The following ARMC8 variants were observed in gnomAD, a reference collection of about 807,000 sequenced individuals.
ARMC8 encodes the protein armadillo repeat containing 8, also known as armadillo repeat-containing protein 8.
A neutral mutation model predicts 99.3 loss-of-function variants in ARMC8; 20 were observed. That is an observed-to-expected ratio of 0.20 (90% CI 0.14 to 0.29). The LOEUF (loss-of-function observed/expected upper bound fraction) is 0.29, where lower values mean the gene tolerates loss of function less well. Among genes scored for constraint, ARMC8 ranks in the 10% least tolerant of loss-of-function variants. The pLI is 1.00. For missense variants in ARMC8, 569 were observed against 809.5 expected, an observed-to-expected ratio of 0.70 and a Z score of 3.60; for synonymous variants, 263 against 278.3, an observed-to-expected ratio of 0.95 and a Z score of 0.55.
chr3:138,281,298 CTTTTT>C (rs747921351), intron 18 of ARMC8, among the ~76,000 whole-genome samples: 1 of 142,326 alleles, frequency 7.0e-6, no homozygotes, highest in African/African-American at 2.6e-5. Flanking sequence ...ATTTCTTTTT[CTTTTT>C]TTTTTTTTGA....
At chr3:138,234,942 T>G in intron 6 of ARMC8, 92 bp from the exon 7 acceptor site, 1 of 1,000,326 alleles carries the variant, frequency 1.0e-6, no homozygotes, top group Non-Finnish European at 1.5e-6. Context: ...TGTACTGTAG[T>G]GAATGTGGTT....
chr3:138,200,973 C>T (rs893783001), intron 1 of ARMC8, among the ~76,000 whole-genome samples: 3 of 122,058 alleles, frequency 2.5e-5, no homozygotes, highest in African/African-American at 6.4e-5. Context: ...AGTGCAGTGG[C>T]GTGATCTTGG....
chr3:138,228,908 C>T lies in ARMC8; in HGVS notation c.436-10C>T, dbSNP rs770106469. 8.8e-6 allele frequency: 14 copies of T among 1,590,444 alleles called. No individual in the cohort carries two copies. Among genetic ancestry groups the T allele is most frequent in the Non-Finnish European group, 1.2e-5 (14 of 1,161,580 alleles). ...CCTGAGTTTCTTGTTGCTGTGTTCT[C>T]CTTCCCTAGGATGCCACAGTGATAC... On this transcript the variant is annotated splice_polypyrimidine_tract_variant and intron_variant, in intron 5 of 21. Coordinates refer to ENST00000469044, the MANE Select transcript of ARMC8 (RefSeq NM_001363941.2).
chr3:138,189,337 G>C (rs916253770), intron 1 of ARMC8, among the ~76,000 whole-genome samples: 1 of 151,480 alleles, frequency 6.6e-6, no homozygotes, highest in Non-Finnish European at 1.5e-5. Context: ...TGGTCTATCA[G>C]ATCTTCACTC....
At chr3:138,222,318 C>T (rs2045447771) in intron 3 of ARMC8, among the ~76,000 whole-genome samples, 1 of 152,142 alleles carries the variant, frequency 6.6e-6, no homozygotes, top group South Asian at 2.1e-4. Context: ...AGAGCCTTGG[C>T]AGTTTTTTGT....
chr3:138,268,836 A>G (rs1401084162), intron 15 of ARMC8, among the ~76,000 whole-genome samples: 1 of 152,158 alleles, frequency 6.6e-6, no homozygotes, highest in Non-Finnish European at 1.5e-5. Flanking sequence ...GAAATGCTAT[A>G]AGAGCATTTT....
chr3:138,263,237 T>TC (rs1173705186), intron 12 of ARMC8, among the ~76,000 whole-genome samples: 2 of 152,270 alleles, frequency 1.3e-5, no homozygotes, highest in African/African-American at 2.4e-5. Context: ...TAGCAGCACT[T>TC]CGTGCTATAG....
chr3:138,274,645 C>A, intron 18 of ARMC8, 101 bp downstream of exon 18: 1 of 818,402 alleles, frequency 1.2e-6, no homozygotes. Context: ...AGACAGAGTG[C>A]TGAGATGGGA....
At position 138,193,868 on chromosome 3, in the gene ARMC8, T is replaced by TA. The variant is rs1191916738; in HGVS notation, c.45+6270dup. Among the ~76,000 whole-genome samples, 5 of 152,196 alleles carry TA rather than the reference T, an allele frequency of 3.3e-5. No individual in the cohort carries two copies. In the East Asian group the frequency reaches 5.8e-4, roughly 18 times the overall value. On this transcript the variant is annotated intron_variant, in intron 1 of 21. Transcript: ENST00000469044. ...ATTGGACTTTACCAAAATGAAAACT[T>TA]ACGCTCTGTGAAAGACCCTGTTAAA... is the stretch of plus-strand genomic sequence containing the variant.
At chr3:138,270,357 AGTGAACAGAT>A (rs1428955074) in intron 16 of ARMC8, among the ~76,000 whole-genome samples, 5 of 152,228 alleles carry the variant, frequency 3.3e-5, no homozygotes, top group Non-Finnish European at 5.9e-5. Flanking sequence ...TATTAAGAAA[AGTGAACAGAT>A]GTTGAAACTT....
At chr3:138,240,496 G>A (rs1040070880) in intron 10 of ARMC8, among the ~76,000 whole-genome samples, 1 of 152,050 alleles carries the variant, frequency 6.6e-6, no homozygotes, top group Non-Finnish European at 1.5e-5. Flanking sequence ...AATGTTAGTA[G>A]TATATTCTTC....
chr3:138,262,404 C>T, intron 12 of ARMC8: 1 of 1,009,090 alleles, frequency 9.9e-7, no homozygotes, highest in Non-Finnish European at 1.4e-6. Flanking sequence ...AATGTGGTTC[C>T]CTGTTCTTAA....
rs140101384 is a variant in ARMC8 at position 138,223,640 on chromosome 3, A to G, written c.342A>G (p.Leu114=). The G allele has an allele frequency of 4.1e-4, 658 of 1,614,118 alleles. 1 individual carries two copies. The African/African-American group carries it at 8.0e-3, about 20-fold the overall frequency. ...AAATCTCATTTCTGTTAATAGGACT[A>G]CTGTCCCCAGACCTGAAGTTTATTG... is the stretch of plus-strand genomic sequence containing the variant. ...CHIIPALLQG[L]LSPDLKFIEA... is the part of the protein sequence containing the mutation. Residue 114 remains leucine, a synonymous_variant, in exon 5 of 22, where the codon CTA becomes CTG. Transcript: ENST00000469044.
intron 2 of ARMC8, among the ~76,000 whole-genome samples, chr3:138,219,578 T>C (rs959215081): frequency 3.3e-5 from 5 of 152,224 alleles, no homozygotes; most frequent in African/African-American, 9.6e-5. Context: ...TCATCTGAAA[T>C]TGATTGCTTA....
Position 138,270,029 on chromosome 3 carries a change from TCCAA to T in ARMC8, c.1387-10_1387-7del, listed in dbSNP as rs1311098051. The T allele has an allele frequency of 6.3e-7, 1 of 1,598,448 alleles. No homozygotes were observed. Among genetic ancestry groups the T allele is most frequent in the Admixed American group, 1.7e-5 (1 of 59,926 alleles). On this transcript the variant is annotated splice_region_variant and splice_polypyrimidine_tract_variant and intron_variant, in intron 15 of 21. Transcript: ENST00000469044. Reference sequence around the variant, plus strand: ...AAAGCTGTGATTTTTTTTTTCCCTGTCCAATGGCAGCCAATTTTGGAATCAGGAG... The same window carrying T: ...AAAGCTGTGATTTTTTTTTTCCCTGTTGGCAGCCAATTTTGGAATCAGGAG...
intron 5 of ARMC8, among the ~76,000 whole-genome samples, chr3:138,227,055 G>C (rs952846418): frequency 2.0e-5 from 3 of 152,178 alleles, no homozygotes; most frequent in Admixed American, 6.5e-5. Flanking sequence ...TTAAAAAGCT[G>C]TTTGAGCAAC....
chr3:138,219,178 G>A (rs1033972184), intron 2 of ARMC8, among the ~76,000 whole-genome samples: 2 of 152,142 alleles, frequency 1.3e-5, no homozygotes, highest in Admixed American at 6.6e-5. Flanking sequence ...TTAAGTAGTG[G>A]ATATGGAATG....
chr3:138,218,244 C>T (rs1178871465), intron 2 of ARMC8, among the ~76,000 whole-genome samples: 7 of 152,184 alleles, frequency 4.6e-5, no homozygotes, highest in African/African-American at 1.7e-4. Context: ...GCATCAGCCA[C>T]TTAGTTGTCC....
intron 10 of ARMC8, among the ~76,000 whole-genome samples, chr3:138,241,343 G>T (rs750282701): frequency 3.6e-4 from 54 of 152,108 alleles, no homozygotes; most frequent in Non-Finnish European, 6.2e-4. Flanking sequence ...AAAAATAAAC[G>T]ATATTACTCA....
Sources: gnomAD v4.1 joint callset for allele counts (sites outside exome capture counted in the v4.1 genomes callset) on GRCh38, gnomAD v4.1.1 for gene constraint, MANE v1.5 for transcripts, NCBI Gene and HGNC (gene_info 2026-07-23, HGNC 2026-07-21) for gene names.